CNTN4: variants seen among roughly 807,000 people sequenced by gnomAD.
CNTN4 encodes the protein contactin 4, also known as contactin-4.
A neutral mutation model predicts 122.5 loss-of-function variants in CNTN4; 77 were observed. The ratio of observed to expected loss-of-function variants is 0.63; its 90% CI spans 0.52 to 0.76. The LOEUF (loss-of-function observed/expected upper bound fraction) is 0.76, where lower values mean the gene tolerates loss of function less well. Among genes scored for constraint, CNTN4 ranks in the 30% least tolerant of loss-of-function variants. The probability of loss-of-function intolerance (pLI) is 0.00; values close to 1 mark genes in which losing one functional copy is unlikely to be tolerated. For missense variants in CNTN4, 1,256 were observed against 1,259.1 expected (o/e 1.00, Z 0.04); for synonymous variants, 512 against 447.0 (o/e 1.15, Z -1.83).
intron 3 of CNTN4, among the ~76,000 whole-genome samples, chr3:2,558,797 A>G (rs777190182): frequency 6.6e-5 from 10 of 152,244 alleles, no homozygotes; most frequent in Non-Finnish European, 1.3e-4. Context: ...CAGTGTAGTA[A>G]GAATTAATGT....
intron 10 of CNTN4, among the ~76,000 whole-genome samples, chr3:2,898,021 C>G (rs977237095): frequency 1.3e-4 from 20 of 152,098 alleles, no homozygotes; most frequent in African/African-American, 4.8e-4. Flanking sequence ...TAACCCCCCC[C>G]AAATATGGAG....
At chr3:2,922,209 T>C (rs1312803485) in intron 12 of CNTN4, among the ~76,000 whole-genome samples, 1 of 152,236 alleles carries the variant, frequency 6.6e-6, no homozygotes, top group African/African-American at 2.4e-5. Flanking sequence ...TGTGCACTAA[T>C]TTTTTAAGTG....
intron 19 of CNTN4, chr3:3,039,550 A>G (rs1393373206): frequency 5.5e-6 from 1 of 182,056 alleles, no homozygotes; most frequent in Non-Finnish European, 1.2e-5. Context: ...AGAAATTAAA[A>G]TCTCTCATTT....
At chr3:2,893,039 T>C (rs892712154) in intron 10 of CNTN4, among the ~76,000 whole-genome samples, 6 of 152,214 alleles carry the variant, frequency 3.9e-5, no homozygotes, top group African/African-American at 1.4e-4. Flanking sequence ...CTTTCTTGCG[T>C]TTTCCATTAC....
At chr3:2,854,268 CTTTTTTT>C (rs56147510) in intron 7 of CNTN4, among the ~76,000 whole-genome samples, 3 of 90,052 alleles carry the variant, frequency 3.3e-5, no homozygotes, top group Admixed American at 1.5e-4. Context: ...CTTTCTTCTT[CTTTTTTT>C]TTTTTTTTTT....
intron 4 of CNTN4, among the ~76,000 whole-genome samples, chr3:2,729,295 T>G (rs977541292): frequency 1.3e-5 from 2 of 152,080 alleles, no homozygotes; most frequent in African/African-American, 4.8e-5. Context: ...CCGGGCGCGG[T>G]GGCTCACGCC....
At chr3:2,345,280 A>T (rs2044359642) in intron 3 of CNTN4, among the ~76,000 whole-genome samples, 1 of 152,116 alleles carries the variant, frequency 6.6e-6, no homozygotes. Context: ...TTTCAGACAC[A>T]TTTTAGAGAT....
At chr3:2,852,472 A>G (rs17021410) in intron 7 of CNTN4, among the ~76,000 whole-genome samples, 1,842 of 152,308 alleles carry the variant, frequency 0.012, 29 homozygotes, top group African/African-American at 0.042. Flanking sequence ...AAATGATTCT[A>G]TTCACCATCT....
At chr3:2,974,246 A>G (rs1000270469) in intron 13 of CNTN4, among the ~76,000 whole-genome samples, 3 of 152,210 alleles carry the variant, frequency 2.0e-5, no homozygotes, top group Non-Finnish European at 4.4e-5. Flanking sequence ...TGGCAAGTAG[A>G]TACTGGTTTC....
intron 7 of CNTN4, among the ~76,000 whole-genome samples, chr3:2,862,757 A>ATT (rs145625213): frequency 3.3e-5 from 5 of 151,984 alleles, no homozygotes; most frequent in Admixed American, 6.5e-5. Flanking sequence ...AGAAAAGTTT[A>ATT]TTTTGTTTTA....
intron 3 of CNTN4, among the ~76,000 whole-genome samples, chr3:2,558,805 T>G (rs2078827270): frequency 6.6e-6 from 1 of 152,230 alleles, no homozygotes. Flanking sequence ...TAAGAATTAA[T>G]GTGCTGTCCT....
At chr3:2,460,163 C>T (rs905717799) in intron 3 of CNTN4, among the ~76,000 whole-genome samples, 2 of 152,058 alleles carry the variant, frequency 1.3e-5, no homozygotes, top group African/African-American at 4.8e-5. Flanking sequence ...ATAGAAGAAC[C>T]TGGATTTCTT....
intron 23 of CNTN4, among the ~76,000 whole-genome samples, chr3:3,046,528 A>G (rs530416822): frequency 4.6e-5 from 7 of 152,284 alleles, no homozygotes; most frequent in Admixed American, 2.6e-4. Flanking sequence ...CAGCCAAACT[A>G]AGCTTCATCA....
chr3:2,340,709 A>ATATATATATATG (rs1401975406), intron 3 of CNTN4, among the ~76,000 whole-genome samples: 2 of 101,370 alleles, frequency 2.0e-5, no homozygotes, highest in African/African-American at 7.2e-5. Context: ...ATATATATAT[A>ATATATATATATG]TAGAGAGAGA....
intron 4 of CNTN4, among the ~76,000 whole-genome samples, chr3:2,727,583 A>C (rs192643210): frequency 0.01 from 1,589 of 152,320 alleles, 16 homozygotes; most frequent in African/African-American, 0.036. Flanking sequence ...TCCACGCCTA[A>C]AAATCCTCGA....
intron 3 of CNTN4, among the ~76,000 whole-genome samples, chr3:2,394,381 C>A (rs1166930911): frequency 6.6e-6 from 1 of 152,114 alleles, no homozygotes; most frequent in African/African-American, 2.4e-5. Flanking sequence ...TGGAAAATCT[C>A]CTTTTGATCT....
At chr3:2,444,704 C>T (rs2048556931) in intron 3 of CNTN4, among the ~76,000 whole-genome samples, 1 of 152,080 alleles carries the variant, frequency 6.6e-6, no homozygotes, top group Admixed American at 6.6e-5. Flanking sequence ...TCTGCCATTA[C>T]CACTGCAGCC....
chr3:2,310,147 C>T (rs1502582), intron 2 of CNTN4, among the ~76,000 whole-genome samples: 31,630 of 152,056 alleles, frequency 0.21, 3,619 homozygotes, highest in East Asian at 0.52. Context: ...TTTGTGTTCT[C>T]ATGATTGAGA....
chr3:2,930,813 A>G (rs2094513626), intron 13 of CNTN4, among the ~76,000 whole-genome samples: 1 of 152,198 alleles, frequency 6.6e-6, no homozygotes, highest in African/African-American at 2.4e-5. Flanking sequence ...AGAGAAAAAA[A>G]AGGAGACATG....
Sources: allele counts gnomAD v4.1 joint callset (sites outside exome capture counted in the v4.1 genomes callset), GRCh38; gene constraint gnomAD v4.1.1; transcripts MANE v1.5; gene names NCBI Gene and HGNC (gene_info 2026-07-23, HGNC 2026-07-21).